BLTP1: variants seen among roughly 807,000 people sequenced by gnomAD.
BLTP1 encodes bridge-like lipid transfer protein family member 1, also known as fragile site-associated protein.
the BLTP1 span, chr4:122,225,005 C>A: frequency 9.8e-7 from 1 of 1,019,270 alleles, no homozygotes; most frequent in Non-Finnish European, 1.2e-6. Flanking sequence ...TTACTTGGCC[C>A]TCCATTGTTG....
At chr4:122,207,004 A>T in the BLTP1 span, 1 of 1,056,432 alleles carries the variant, frequency 9.5e-7, no homozygotes, top group Non-Finnish European at 1.4e-6. Flanking sequence ...TTTTTTAGTT[A>T]CACAAAAGAA....
chr4:122,316,498 C>T, the BLTP1 span: 1 of 520,186 alleles, frequency 1.9e-6, no homozygotes, highest in Non-Finnish European at 3.8e-6. Flanking sequence ...GGGCTCCCCT[C>T]AGTCTAGCCA....
the BLTP1 span, chr4:122,346,515 T>G: frequency 4.8e-6 from 7 of 1,447,394 alleles, no homozygotes; most frequent in Non-Finnish European, 6.4e-6. Context: ...AATCATAATA[T>G]GTAACTTAAG....
At chr4:122,225,261 TC>T in the BLTP1 span, 1 of 155,772 alleles carries the variant, frequency 6.4e-6, no homozygotes, top group South Asian at 2.0e-4. Context: ...CTAGATGTGA[TC>T]CTTTTGGATA....
the BLTP1 span, chr4:122,260,155 C>A: frequency 2.0e-5 from 3 of 153,614 alleles, no homozygotes; most frequent in East Asian, 5.8e-4. Flanking sequence ...AGGCTACAAA[C>A]CTGTACAGCA....
At chr4:122,246,342 C>A in the BLTP1 span, 1 of 1,437,776 alleles carries the variant, frequency 7.0e-7, no homozygotes, top group South Asian at 1.4e-5. Flanking sequence ...AAGAGGAGAG[C>A]ATTTTGATGG....
the BLTP1 span, among the ~76,000 whole-genome samples, chr4:122,176,997 C>T: frequency 6.6e-6 from 1 of 152,184 alleles, no homozygotes; most frequent in Non-Finnish European, 1.5e-5. Context: ...ACATTAAACT[C>T]TGTCATTCAC....
the BLTP1 span, chr4:122,281,917 C>T: frequency 7.8e-7 from 1 of 1,287,706 alleles, no homozygotes; most frequent in Non-Finnish European, 9.8e-7. Flanking sequence ...TAATGATGTT[C>T]TCTAGTCAAG....
chr4:122,308,139 A>G, the BLTP1 span: 1 of 1,613,326 alleles, frequency 6.2e-7, no homozygotes, highest in South Asian at 1.1e-5. Flanking sequence ...GAATTTGCCT[A>G]CCTATCACAA....
chr4:122,208,454 T>C, the BLTP1 span: 4 of 980,870 alleles, frequency 4.1e-6, no homozygotes, highest in Non-Finnish European at 4.8e-6. Flanking sequence ...ATCCTTTGAT[T>C]TGCCAGTTCT....
At chr4:122,167,919 A>G in the BLTP1 span, 6 of 983,880 alleles carry the variant, frequency 6.1e-6, no homozygotes, top group Non-Finnish European at 7.2e-6. Context: ...AAGATTTTGC[A>G]ATAGATTACC....
chr4:122,338,841 A>G, the BLTP1 span, among the ~76,000 whole-genome samples: 1 of 152,156 alleles, frequency 6.6e-6, no homozygotes, highest in Non-Finnish European at 1.5e-5. Context: ...TTGTTCTGAG[A>G]TGGCTCCTCA....
the BLTP1 span, chr4:122,225,078 T>A: frequency 1.1e-6 from 1 of 877,430 alleles, no homozygotes. Context: ...CTTACATATG[T>A]TTAAAGTAGG....
At chr4:122,348,332 T>C in the BLTP1 span, among the ~76,000 whole-genome samples, 3 of 152,126 alleles carry the variant, frequency 2.0e-5, no homozygotes, top group East Asian at 5.8e-4. Flanking sequence ...TCATATAAAA[T>C]GGGGGCCATA....
chr4:122,238,239 C>G, the BLTP1 span: 20 of 1,613,668 alleles, frequency 1.2e-5, no homozygotes, highest in Non-Finnish European at 1.6e-5. Flanking sequence ...AGTTCTAGTG[C>G]TGCACAGCCT....
the BLTP1 span, among the ~76,000 whole-genome samples, chr4:122,191,698 A>C: frequency 6.6e-6 from 1 of 152,148 alleles, no homozygotes; most frequent in East Asian, 1.9e-4. Flanking sequence ...AGTATCAAAG[A>C]AGAGTATTAA....
At chr4:122,174,665 A>G in the BLTP1 span, 1 of 1,541,776 alleles carries the variant, frequency 6.5e-7, no homozygotes, top group East Asian at 2.3e-5. Context: ...AACAAAATTA[A>G]AAAATTGAAA....
the BLTP1 span, chr4:122,197,252 TC>T: frequency 6.7e-7 from 1 of 1,485,326 alleles, no homozygotes; most frequent in Middle Eastern, 2.0e-4. Flanking sequence ...AAATTAATAT[TC>T]CAATGACAGT....
the BLTP1 span, among the ~76,000 whole-genome samples, chr4:122,238,791 C>T: frequency 3.3e-5 from 5 of 152,166 alleles, no homozygotes; most frequent in Non-Finnish European, 7.4e-5. Flanking sequence ...ATTGTCCTGT[C>T]CTCCATTTCT....
Sources: allele counts gnomAD v4.1 joint callset (sites outside exome capture counted in the v4.1 genomes callset), GRCh38; gene constraint gnomAD v4.1.1; transcripts MANE v1.5; gene names NCBI Gene and HGNC (gene_info 2026-07-23, HGNC 2026-07-21).